PRKG1: variants seen among roughly 807,000 people sequenced by gnomAD.
The protein encoded by PRKG1 is cGMP-dependent protein kinase 1.
PRKG1 carries 35 observed loss-of-function variants against 88.1 expected under a neutral mutation model. The observed-to-expected ratio is 0.40, with a 90% CI of 0.30 to 0.53. The LOEUF (loss-of-function observed/expected upper bound fraction) is 0.53, where lower values mean the gene tolerates loss of function less well. Among genes scored for constraint, PRKG1 ranks in the 20% least tolerant of loss-of-function variants. The pLI is 0.59. For missense variants in PRKG1, 540 were observed against 839.8 expected (o/e 0.64, Z 4.41); for synonymous variants, 303 against 292.5 (o/e 1.04, Z -0.37).
At chr10:52,116,544 GT>G (rs1847692027) in intron 7 of PRKG1, among the ~76,000 whole-genome samples, 2 of 151,948 alleles carry the variant, frequency 1.3e-5, no homozygotes, top group South Asian at 4.1e-4. Flanking sequence ...TCGAAAGAAT[GT>G]TTTTCTAATA....
intron 1 of PRKG1, among the ~76,000 whole-genome samples, chr10:51,111,481 C>T (rs1844978444): frequency 6.6e-6 from 1 of 151,944 alleles, no homozygotes; most frequent in African/African-American, 2.4e-5. Flanking sequence ...ATGCCCTAAA[C>T]TTTGGAGGAT....
At chr10:51,693,453 G>C (rs1157094207) in intron 3 of PRKG1, among the ~76,000 whole-genome samples, 1 of 151,590 alleles carries the variant, frequency 6.6e-6, no homozygotes, top group African/African-American at 2.4e-5. Context: ...CCAGGCTGGA[G>C]TGTAGTGGCA....
At chr10:52,070,559 G>A (rs1846470930) in intron 7 of PRKG1, among the ~76,000 whole-genome samples, 1 of 151,958 alleles carries the variant, frequency 6.6e-6, no homozygotes, top group Non-Finnish European at 1.5e-5. Context: ...CATTATTTCT[G>A]CATATATTCT....
At chr10:51,482,734 G>A (rs1435306790) in intron 3 of PRKG1, among the ~76,000 whole-genome samples, 2 of 152,156 alleles carry the variant, frequency 1.3e-5, no homozygotes, top group Non-Finnish European at 2.9e-5. Flanking sequence ...AGTCTGGGTT[G>A]AAAATTGAAT....
intron 3 of PRKG1, among the ~76,000 whole-genome samples, chr10:51,485,327 A>G (rs1432704654): frequency 6.6e-6 from 1 of 152,186 alleles, no homozygotes; most frequent in Non-Finnish European, 1.5e-5. Flanking sequence ...TCTTCACAGG[A>G]TAAGTGATTA....
rs1368650197 is a variant in PRKG1 at position 51,685,175 on chromosome 10, C to G, written c.593-119410C>G. 2.0e-5 allele frequency among the ~76,000 whole-genome samples: 3 copies of G among 152,124 alleles called. No homozygotes were observed. The South Asian group carries it at 6.2e-4, about 31-fold the overall frequency. On this transcript the variant is annotated intron_variant, in intron 3 of 17. Transcript: ENST00000373980. ...GTGTGGATACTGTTCGACCTTATTA[C>G]TTGTCTCTTTCATAAAACTGAATGA...
chr10:52,174,070 A>G (rs868405780), intron 9 of PRKG1, among the ~76,000 whole-genome samples: 1 of 151,624 alleles, frequency 6.6e-6, no homozygotes. Flanking sequence ...TCCCAAATCT[A>G]GTTCTCTTGC....
At chr10:51,653,749 A>G (rs999427545) in intron 3 of PRKG1, among the ~76,000 whole-genome samples, 2 of 151,632 alleles carry the variant, frequency 1.3e-5, no homozygotes, top group African/African-American at 4.8e-5. Flanking sequence ...TGTGTTTTTA[A>G]CAGAGGTGGG....
chr10:51,862,238 T>C (rs1188489783), intron 4 of PRKG1, among the ~76,000 whole-genome samples: 2 of 152,130 alleles, frequency 1.3e-5, no homozygotes, highest in Non-Finnish European at 2.9e-5. Context: ...GGCAAACAGG[T>C]GCATGTCACA....
chr10:51,981,553 T>A (rs1426254957), intron 5 of PRKG1, among the ~76,000 whole-genome samples: 2 of 152,016 alleles, frequency 1.3e-5, no homozygotes, highest in Non-Finnish European at 1.5e-5. Context: ...GCCACTGTGC[T>A]TCAGCTTGGG....
At chr10:51,141,935 G>A (rs184577099) in intron 1 of PRKG1, among the ~76,000 whole-genome samples, 134 of 152,164 alleles carry the variant, frequency 8.8e-4, no homozygotes, top group African/African-American at 2.9e-3. Context: ...CATTAATTAC[G>A]AAATCTGCCA....
intron 3 of PRKG1, among the ~76,000 whole-genome samples, chr10:51,501,384 A>G (rs986051372): frequency 2.0e-5 from 3 of 152,282 alleles, no homozygotes; most frequent in South Asian, 2.1e-4. Flanking sequence ...TTCGAAGTTC[A>G]GGGAGAAGAA....
At chr10:51,838,492 T>A (rs2132769250) in intron 4 of PRKG1, among the ~76,000 whole-genome samples, 1 of 152,332 alleles carries the variant, frequency 6.6e-6, no homozygotes, top group East Asian at 1.9e-4. Context: ...GGAAGTGTCC[T>A]CTGGGACTCA....
chr10:52,247,806 G>T (rs1841063813), intron 9 of PRKG1, among the ~76,000 whole-genome samples: 1 of 152,154 alleles, frequency 6.6e-6, no homozygotes, highest in Non-Finnish European at 1.5e-5. Flanking sequence ...GACCAGCTCG[G>T]TCGGGGAGAC....
At chr10:51,217,388 A>T in intron 2 of PRKG1, among the ~76,000 whole-genome samples, 1 of 152,126 alleles carries the variant, frequency 6.6e-6, no homozygotes, top group East Asian at 1.9e-4. Flanking sequence ...TGTGGGGAAA[A>T]ATGCCTTAGA....
intron 5 of PRKG1, among the ~76,000 whole-genome samples, chr10:51,935,519 A>G (rs1265500980): frequency 6.6e-6 from 1 of 152,136 alleles, no homozygotes; most frequent in African/African-American, 2.4e-5. Context: ...ACCTTGGAGC[A>G]CAGATAACCA....
chr10:51,527,767 T>C (rs1339636155), intron 3 of PRKG1, among the ~76,000 whole-genome samples: 1 of 152,212 alleles, frequency 6.6e-6, no homozygotes, highest in African/African-American at 2.4e-5. Flanking sequence ...ACAAAGTCTT[T>C]TGTTTCCTTT....
intron 4 of PRKG1, among the ~76,000 whole-genome samples, chr10:51,862,498 T>G (rs568506554): frequency 6.6e-6 from 1 of 152,258 alleles, no homozygotes; most frequent in East Asian, 1.9e-4. Flanking sequence ...CTGAAGTGGG[T>G]AGCCCTCTGT....
intron 3 of PRKG1, among the ~76,000 whole-genome samples, chr10:51,598,915 G>A (rs562097824): frequency 2.6e-5 from 4 of 152,260 alleles, no homozygotes; most frequent in Non-Finnish European, 4.4e-5. Flanking sequence ...TGCATGTGTA[G>A]GGGAGCATGT....
Sources: gnomAD v4.1 joint callset for allele counts (sites outside exome capture counted in the v4.1 genomes callset) on GRCh38, gnomAD v4.1.1 for gene constraint, MANE v1.5 for transcripts, NCBI Gene and HGNC (gene_info 2026-07-23, HGNC 2026-07-21) for gene names.